TXNDC8: variants seen among roughly 807,000 people sequenced by gnomAD.
The protein encoded by TXNDC8 is thioredoxin domain-containing protein 8.
Under a neutral mutation model 12.9 loss-of-function variants are expected in TXNDC8, and 15 were observed. That is an observed-to-expected ratio of 1.16 (90% CI 0.78 to 1.79). The LOEUF is 1.79. Among genes scored for constraint, TXNDC8 ranks in the 40% most tolerant of loss-of-function variants. The pLI, the probability that TXNDC8 is intolerant of heterozygous loss-of-function variation, is 0.00. For missense variants in TXNDC8, 128 were observed against 113.2 expected (o/e 1.13, Z -0.59); for synonymous variants, 40 against 35.4 (o/e 1.13, Z -0.46).
At chr9:110,334,066 G>T (rs150460959) in intron 2 of TXNDC8, 150 bp downstream of exon 2, 2 of 561,196 alleles carry the variant, frequency 3.6e-6, no homozygotes, top group Admixed American at 3.3e-5. Flanking sequence ...ATTAGATCTC[G>T]GTATATTATC....
intron 3 of TXNDC8, among the ~76,000 whole-genome samples, chr9:110,324,694 G>A (rs1456136458): frequency 2.6e-5 from 4 of 151,968 alleles, no homozygotes; most frequent in South Asian, 2.1e-4. Flanking sequence ...TTTCTGTACC[G>A]AAAGTTCCCA....
At chr9:110,306,265 G>T (rs926107576) in intron 3 of TXNDC8, among the ~76,000 whole-genome samples, 1 of 152,164 alleles carries the variant, frequency 6.6e-6, no homozygotes, top group African/African-American at 2.4e-5. Context: ...TCTTTTTCAT[G>T]TTAACAATTC....
chr9:110,335,171 C>T (rs1239970559), intron 1 of TXNDC8, among the ~76,000 whole-genome samples: 1 of 152,200 alleles, frequency 6.6e-6, no homozygotes, highest in Non-Finnish European at 1.5e-5. Context: ...CCCTAACTGA[C>T]ACATAAGTGC....
rs763622161 is a variant in TXNDC8 at position 110,303,673 on chromosome 9, A to G, written c.*9T>C. ...TAAGGAATTTTATTCCTGATTGAAA[A>G]GTTAAATCCTACTCATTTCCATCAT... On this transcript the variant is annotated 3_prime_UTR_variant, in exon 5 of 5. Coordinates refer to ENST00000423740, the MANE Select transcript of TXNDC8 (RefSeq NM_001286946.2). The G allele has an allele frequency of 6.2e-7, 1 of 1,601,906 alleles. No homozygotes were observed. The highest frequency in any genetic ancestry group is 8.5e-7 in the Non-Finnish European group (1 of 1,172,894).
chr9:110,315,193 G>A (rs1020160487), intron 3 of TXNDC8, among the ~76,000 whole-genome samples: 6 of 152,088 alleles, frequency 3.9e-5, no homozygotes, highest in Admixed American at 1.3e-4. Flanking sequence ...CGCCTGCTGG[G>A]TTCAAGTGAT....
rs117407630 is a variant in TXNDC8, at chr9:110,329,765, G to A, written c.130-3525C>T. 5.3e-5 allele frequency among the ~76,000 whole-genome samples: 8 copies of A among 152,236 alleles called. No homozygotes were observed. The East Asian group carries it at 1.4e-3, about 26-fold the overall frequency. ...GCTAGAAGGCTGTTCTGCTTGAAGC[G>A]ATGTCAACATTTTAATGCTGACCAT... On this transcript the variant is annotated intron_variant, in intron 2 of 4. Transcript: ENST00000423740.
intron 3 of TXNDC8, among the ~76,000 whole-genome samples, chr9:110,314,401 T>C (rs989736815): frequency 6.7e-6 from 1 of 149,980 alleles, no homozygotes; most frequent in Non-Finnish European, 1.5e-5. Context: ...AATTAAACTT[T>C]CTTTTTTTTC....
chr9:110,323,114 T>C, intron 3 of TXNDC8: 1 of 985,372 alleles, frequency 1.0e-6, no homozygotes. Context: ...TACAGGGAGC[T>C]GTGCACAAAT....
intron 2 of TXNDC8, among the ~76,000 whole-genome samples, chr9:110,327,398 C>T (rs1349862264): frequency 2.0e-5 from 3 of 151,800 alleles, no homozygotes; most frequent in Admixed American, 6.6e-5. Context: ...TCTGGGCTCA[C>T]TGCAACCTCT....
intron 3 of TXNDC8, among the ~76,000 whole-genome samples, chr9:110,321,532 G>C (rs965353124): frequency 6.6e-6 from 1 of 152,088 alleles, no homozygotes; most frequent in African/African-American, 2.4e-5. Context: ...CTGAACTCTA[G>C]GTTTTATTTT....
intron 2 of TXNDC8, among the ~76,000 whole-genome samples, chr9:110,331,480 C>T (rs2118861580): frequency 6.6e-6 from 1 of 152,264 alleles, no homozygotes; most frequent in South Asian, 2.1e-4. Flanking sequence ...AGCCCATTCA[C>T]CCAGTCTTCT....
intron 4 of TXNDC8, 137 bp downstream of exon 5, chr9:110,304,330 C>G (rs1838342947): frequency 1.8e-5 from 13 of 706,106 alleles, no homozygotes; most frequent in Non-Finnish European, 3.0e-5. Context: ...GCCCGGTGTG[C>G]TGCAGGGAGA....
At chr9:110,319,773 T>A (rs1839023218) in intron 3 of TXNDC8, among the ~76,000 whole-genome samples, 1 of 152,224 alleles carries the variant, frequency 6.6e-6, no homozygotes, top group Non-Finnish European at 1.5e-5. Context: ...ACAGAGTGTG[T>A]GACCCTTGCT....
chr9:110,326,418 C>T (rs1329475548), intron 2 of TXNDC8, among the ~76,000 whole-genome samples, 178 bp from the exon 4 acceptor site: 2 of 152,162 alleles, frequency 1.3e-5, no homozygotes, highest in African/African-American at 2.4e-5. Flanking sequence ...CAATGATTGA[C>T]ATAAAATGAT....
chr9:110,313,933 G>A (rs1361311054), intron 3 of TXNDC8, among the ~76,000 whole-genome samples: 3 of 152,086 alleles, frequency 2.0e-5, no homozygotes, highest in Admixed American at 2.0e-4. Flanking sequence ...CCTGAGACCA[G>A]AAACTCATTT....
At chr9:110,304,395 G>T in intron 4 of TXNDC8, 72 bp downstream of exon 5, 2 of 1,378,718 alleles carry the variant, frequency 1.5e-6, no homozygotes, top group African/African-American at 1.4e-5. Context: ...TTCTGCCTGA[G>T]TGTGTCATTA....
chr9:110,322,504 G>A, intron 3 of TXNDC8: 1 of 985,404 alleles, frequency 1.0e-6, no homozygotes, highest in Non-Finnish European at 1.2e-6. Context: ...CCAGCTTATT[G>A]AGGGCACTTC....
intron 3 of TXNDC8, 127 bp from the exon 5 acceptor site, chr9:110,304,659 C>G: frequency 1.2e-6 from 1 of 812,644 alleles, no homozygotes; most frequent in Admixed American, 3.0e-5. Flanking sequence ...AAAAGTTTCT[C>G]TTTGCTAAGA....
downstream of TXNDC8, among the ~76,000 whole-genome samples, chr9:110,303,063 A>G (rs1457968761): frequency 2.7e-5 from 4 of 149,552 alleles, no homozygotes; most frequent in Admixed American, 2.7e-4. Flanking sequence ...GACTGTCTCA[A>G]AAAAAAAAAA....
Sources: gnomAD v4.1 joint callset for allele counts (sites outside exome capture counted in the v4.1 genomes callset) on GRCh38, gnomAD v4.1.1 for gene constraint, MANE v1.5 for transcripts, NCBI Gene and HGNC (gene_info 2026-07-23, HGNC 2026-07-21) for gene names.